UBR2: variants seen among roughly 807,000 people sequenced by gnomAD.
UBR2 encodes E3 ubiquitin-protein ligase UBR2.
A neutral mutation model predicts 247.9 loss-of-function variants in UBR2; 92 were observed. That is an observed-to-expected ratio of 0.37 (90% CI 0.31 to 0.44). The LOEUF (loss-of-function observed/expected upper bound fraction) is 0.44, where lower values mean the gene tolerates loss of function less well. UBR2 is among the 20% of genes least tolerant of loss of function. The probability of loss-of-function intolerance (pLI) is 1.00; values close to 1 mark genes in which losing one functional copy is unlikely to be tolerated. For synonymous variants in UBR2, 672 were observed against 693.5 expected (o/e 0.97, Z 0.49); for missense variants, 1,613 against 2,112.6 (o/e 0.76, Z 4.64).
At chr6:42,655,975 T>TA (rs995934105) in intron 26 of UBR2, among the ~76,000 whole-genome samples, 4 of 151,308 alleles carry the variant, frequency 2.6e-5, no homozygotes, top group Non-Finnish European at 5.9e-5. Context: ...GTATTGAAAA[T>TA]AAAAAAAAAT....
At chr6:42,612,395 T>G in intron 8 of UBR2, 104 bp downstream of exon 8, 8 of 1,235,966 alleles carry the variant, frequency 6.5e-6, no homozygotes, top group Non-Finnish European at 8.5e-6. Flanking sequence ...TTTCCTGCTT[T>G]AATTTTACAT....
intron 1 of UBR2, among the ~76,000 whole-genome samples, chr6:42,568,764 T>C (rs1790933867): frequency 6.6e-6 from 1 of 152,106 alleles, no homozygotes; most frequent in Non-Finnish European, 1.5e-5. Context: ...TATTTATCCA[T>C]GTTGTACCAT....
chr6:42,654,586 G>A (rs1300336251), intron 25 of UBR2, among the ~76,000 whole-genome samples: 2 of 152,010 alleles, frequency 1.3e-5, no homozygotes, highest in South Asian at 2.1e-4. Flanking sequence ...TTAGCCAATC[G>A]TCATGGCACA....
At chr6:42,673,729 C>G in intron 36 of UBR2, 62 bp from the exon 37 acceptor site, 1 of 1,221,382 alleles carries the variant, frequency 8.2e-7, no homozygotes, top group Non-Finnish European at 1.2e-6. Flanking sequence ...TCTGAACTAG[C>G]ATTCCTGAAA....
chr6:42,654,514 C>T (rs1797322308), intron 25 of UBR2, among the ~76,000 whole-genome samples: 1 of 152,036 alleles, frequency 6.6e-6, no homozygotes, highest in African/African-American at 2.4e-5. Context: ...CACTTGGGGT[C>T]GGGAGTTCAA....
intron 5 of UBR2, among the ~76,000 whole-genome samples, chr6:42,604,785 G>A (rs1183955632): frequency 6.6e-6 from 1 of 152,110 alleles, no homozygotes; most frequent in Non-Finnish European, 1.5e-5. Flanking sequence ...CTAGCACTTT[G>A]GGAGGCCAAG....
chr6:42,668,972 G>A (rs761184704), intron 34 of UBR2, among the ~76,000 whole-genome samples: 3 of 150,114 alleles, frequency 2.0e-5, no homozygotes, highest in Non-Finnish European at 4.5e-5. Context: ...CACCCAGGAT[G>A]GAGTGCAGTG....
chr6:42,642,383 C>T (rs1315523253), intron 17 of UBR2, 33 bp from the exon 18 acceptor site: 27 of 1,465,496 alleles, frequency 1.8e-5, no homozygotes, highest in Non-Finnish European at 2.5e-5. Flanking sequence ...CCAATAAAAA[C>T]TATTTACTCA....
At chr6:42,614,444 A>ATATATACG (rs1794407804) in intron 8 of UBR2, among the ~76,000 whole-genome samples, 1 of 138,302 alleles carries the variant, frequency 7.2e-6, no homozygotes, top group African/African-American at 2.7e-5. Flanking sequence ...ATGTACGTAC[A>ATATATACG]TATATATGTA....
intron 4 of UBR2, among the ~76,000 whole-genome samples, chr6:42,599,607 TG>T (rs1239634921): frequency 5.8e-4 from 61 of 106,042 alleles, no homozygotes; most frequent in African/African-American, 6.9e-4. Context: ...GGGTTTTGTT[TG>T]GGGGTTTTTT....
intron 34 of UBR2, among the ~76,000 whole-genome samples, chr6:42,668,310 A>G (rs1191901536): frequency 6.6e-6 from 1 of 152,184 alleles, no homozygotes; most frequent in African/African-American, 2.4e-5. Context: ...TATTTTATTC[A>G]TATGCTCAAT....
chr6:42,665,581 G>C lies in UBR2; in HGVS notation c.3802+69G>C, dbSNP rs561083517. 4.7e-6 allele frequency: 6 copies of C among 1,267,338 alleles called. No homozygotes were observed. The Admixed American group carries it at 1.4e-4, about 29-fold the overall frequency. The allele number at this position is 1,267,338 out of a possible 1,614,324, so 78.5% of individuals were successfully genotyped here. A position where few individuals can be genotyped will look rare whatever the true frequency, so the allele number is the denominator to read the frequency against. On this transcript the variant is annotated intron_variant, in intron 33 of 46. Coordinates refer to ENST00000372901, the MANE Select transcript of UBR2 (RefSeq NM_001363705.2). The stretch of plus-strand genomic sequence containing the variant: ...GTCATCAGAAAATGTATTTCCAGAA[G>C]AAGTTGTTTAAAAGTGAAACCTCCC...
intron 11 of UBR2, among the ~76,000 whole-genome samples, chr6:42,629,662 A>AT (rs1275785219): frequency 6.6e-6 from 1 of 152,250 alleles, no homozygotes; most frequent in South Asian, 2.1e-4. Context: ...GTCTCAAAAA[A>AT]ATATATATAA....
At chr6:42,639,592 A>G (rs942191442) in intron 15 of UBR2, among the ~76,000 whole-genome samples, 1 of 152,154 alleles carries the variant, frequency 6.6e-6, no homozygotes, top group Non-Finnish European at 1.5e-5. Flanking sequence ...ATCCTAAACC[A>G]AAAGTTCTGG....
rs1791249906 is a variant in UBR2 at position 42,572,818 on chromosome 6, C to G, written c.79-916C>G. 2.0e-5 allele frequency among the ~76,000 whole-genome samples: 3 copies of G among 152,124 alleles called. No individual in the cohort carries two copies. In the South Asian group the frequency reaches 6.2e-4, roughly 32 times the overall value. ...TCCTGGGTTTAAGCGATTTCTCCTGCCTCAGCCTCTTGAGTAACTGTGATT... is the reference window on the plus strand; with the variant it reads ...TCCTGGGTTTAAGCGATTTCTCCTGGCTCAGCCTCTTGAGTAACTGTGATT... On this transcript the variant is annotated intron_variant, in intron 1 of 46. Transcript: ENST00000372901.
At chr6:42,597,437 A>G (rs539572112) in intron 4 of UBR2, among the ~76,000 whole-genome samples, 2 of 152,008 alleles carry the variant, frequency 1.3e-5, no homozygotes, top group Non-Finnish European at 2.9e-5. Flanking sequence ...CTATACAAAA[A>G]TTACAAAAAT....
chr6:42,659,797 A>G lies in UBR2; in HGVS notation c.3384A>G (p.Ala1128=), dbSNP rs1200199995. 4 of 1,614,208 alleles carry G rather than the reference A, an allele frequency of 2.5e-6. No homozygotes were observed. Among genetic ancestry groups the G allele is most frequent in the East Asian group, 2.2e-5 (1 of 44,888 alleles). The part of the protein sequence containing the change: ...KVESRAMVLA[A]FVQRSTVLSK... ...AAAGCAGGGCAATGGTCTTGGCAGC[A>G]TTTGTTCAGAGATCAACTGTATTAT... Residue 1128 remains alanine (A), a synonymous_variant, in exon 30 of 47, where the codon GCA becomes GCG. Transcript: ENST00000372901. This position sits in a 1 kb window ranked among gnomAD's most constrained non-coding sequence, Gnocchi z 4.3.
At position 42,564,043 on chromosome 6, in the gene UBR2, G is replaced by A; in HGVS notation, c.-277G>A. The stretch of plus-strand genomic sequence containing the variant: ...TGCAGGACGCGGTAGTGGCCAGCGA[G>A]AGTGTCAGGCCTGGGGTTTTCTGTG... On this transcript the variant is annotated 5_prime_UTR_variant, in exon 1 of 47. Transcript: ENST00000372901. The A allele has an allele frequency of 2.1e-6, 1 of 487,778 alleles. No homozygotes were observed. Among genetic ancestry groups the A allele is most frequent in the Non-Finnish European group, 3.6e-6 (1 of 277,480 alleles). 30.2% of individuals were successfully genotyped at this position (487,778 alleles called of 1,614,324 possible). A position where few individuals can be genotyped will look rare whatever the true frequency, so the allele number is the denominator to read the frequency against.
intron 11 of UBR2, among the ~76,000 whole-genome samples, chr6:42,629,011 T>TTTTTTG (rs953574189): frequency 3.3e-5 from 5 of 151,904 alleles, no homozygotes; most frequent in East Asian, 3.9e-4. Context: ...AATCAGGGGT[T>TTTTTTG]TTTTTGTTTT....
Sources: allele counts gnomAD v4.1 joint callset (sites outside exome capture counted in the v4.1 genomes callset), GRCh38; gene constraint gnomAD v4.1.1; non-coding constraint Gnocchi (gnomAD v3.1); transcripts MANE v1.5; gene names NCBI Gene and HGNC (gene_info 2026-07-23, HGNC 2026-07-21).